The following NSG2 variants were observed in gnomAD, a reference collection of about 807,000 sequenced individuals.
The protein encoded by NSG2 is neuronal vesicle trafficking-associated protein 2.
Under a neutral mutation model 16.9 loss-of-function variants are expected in NSG2, and 4 were observed. That is an observed-to-expected ratio of 0.24 (90% CI 0.12 to 0.54). NSG2 has a LOEUF of 0.54. NSG2 is among the 20% of genes least tolerant of loss of function. The pLI is 0.95. For missense variants in NSG2, 179 were observed against 221.1 expected, an observed-to-expected ratio of 0.81 and a Z score of 1.21; for synonymous variants, 98 against 88.7, an observed-to-expected ratio of 1.11 and a Z score of -0.59.
chr5:174,109,115 G>A lies in NSG2; in HGVS notation c.*1610G>A, dbSNP rs1027524281. 1.3e-5 allele frequency: 2 copies of A among 152,808 alleles called. No individual in the cohort carries two copies. The highest frequency in any genetic ancestry group is 3.7e-4 in the East Asian group (2 of 5,342). 9.5% of individuals were successfully genotyped at this position (152,808 alleles called of 1,614,324 possible). A position where few individuals can be genotyped will look rare whatever the true frequency, so the allele number is the denominator to read the frequency against. On this transcript the variant is annotated 3_prime_UTR_variant, in exon 5 of 5. Coordinates refer to ENST00000303177, the MANE Select transcript of NSG2 (RefSeq NM_015980.5). ...TTGTCAGTAGGTAGCAGAGGCGGAA[G>A]TATTTTTTGGTGTAATTCTTGAAAT... is the stretch of plus-strand genomic sequence containing the variant.
chr5:174,061,261 T>C (rs1760046109), intron 2 of NSG2, among the ~76,000 whole-genome samples: 3 of 152,236 alleles, frequency 2.0e-5, no homozygotes, highest in South Asian at 4.1e-4. Context: ...AAATTTTCTG[T>C]ACCACTTCAT....
At chr5:174,082,963 A>G (rs1296471923) in intron 3 of NSG2, among the ~76,000 whole-genome samples, 1 of 152,206 alleles carries the variant, frequency 6.6e-6, no homozygotes, top group Non-Finnish European at 1.5e-5. Context: ...TAGTGCCCCC[A>G]GTAAACTCTT....
chr5:174,074,185 T>G (rs1473047877), intron 3 of NSG2, among the ~76,000 whole-genome samples: 1 of 152,216 alleles, frequency 6.6e-6, no homozygotes, highest in East Asian at 1.9e-4. Flanking sequence ...CTGGAACATG[T>G]CATTTCAGCT....
intron 3 of NSG2, among the ~76,000 whole-genome samples, chr5:174,066,887 G>A (rs1760148937): frequency 6.7e-6 from 1 of 149,954 alleles, no homozygotes; most frequent in Admixed American, 6.6e-5. Context: ...CTACTTGGGA[G>A]GCTGAGGCAG....
intron 2 of NSG2, among the ~76,000 whole-genome samples, chr5:174,053,967 A>G (rs2113422130): frequency 6.6e-6 from 1 of 152,348 alleles, no homozygotes; most frequent in South Asian, 2.1e-4. Flanking sequence ...CCCTATGGGT[A>G]TATATTTCAA....
chr5:174,076,870 G>T (rs887959377), intron 3 of NSG2, among the ~76,000 whole-genome samples: 5 of 152,138 alleles, frequency 3.3e-5, no homozygotes, highest in African/African-American at 9.7e-5. Context: ...GCATTTTCCA[G>T]CCCCAAATGC....
chr5:174,051,043 G>A (rs996304578), intron 2 of NSG2, among the ~76,000 whole-genome samples: 11 of 151,952 alleles, frequency 7.2e-5, no homozygotes, highest in African/African-American at 2.7e-4. Context: ...TCACTCCCAC[G>A]TTGCGCCTCG....
intron 4 of NSG2, among the ~76,000 whole-genome samples, chr5:174,105,334 C>T (rs1561677392): frequency 1.3e-5 from 2 of 152,224 alleles, no homozygotes; most frequent in African/African-American, 4.8e-5. Flanking sequence ...AGCTGGTTGA[C>T]TCACCTATCA....
At position 174,083,249 on chromosome 5, in the gene NSG2, C is replaced by A. The variant is rs147802216; in HGVS notation, c.213+18934C>A. On this transcript the variant is annotated intron_variant, in intron 3 of 4. Transcript: ENST00000303177. ...TGACTCCCATGTGCCTGGCCCAGGG[C>A]CAGCGAAGGGCTAGGCATTCAGCTT... Among the ~76,000 whole-genome samples, 545 of 152,340 alleles carry A rather than the reference C, an allele frequency of 3.6e-3. 1 individual carries two copies. The highest frequency in any genetic ancestry group is 0.017 in the Middle Eastern group (5 of 292).
chr5:174,095,893 G>T (rs1039886915), intron 3 of NSG2, among the ~76,000 whole-genome samples: 49 of 152,210 alleles, frequency 3.2e-4, no homozygotes, highest in African/African-American at 1.2e-3. Context: ...CACTGTAGGT[G>T]CTCAGTTAAT....
chr5:174,094,046 TACAAGCAA>T (rs1192814123), intron 3 of NSG2, among the ~76,000 whole-genome samples: 1 of 152,218 alleles, frequency 6.6e-6, no homozygotes, highest in Non-Finnish European at 1.5e-5. Flanking sequence ...GTTGCACTAT[TACAAGCAA>T]ATGTAGCTGC....
chr5:174,058,551 A>G (rs190710349), intron 2 of NSG2, among the ~76,000 whole-genome samples: 38 of 152,300 alleles, frequency 2.5e-4, no homozygotes, highest in Middle Eastern at 3.4e-3. Context: ...AGAAATCCCA[A>G]CACTGAGAGA....
At chr5:174,064,960 G>A (rs1206072024) in intron 3 of NSG2, among the ~76,000 whole-genome samples, 15 of 152,340 alleles carry the variant, frequency 9.8e-5, no homozygotes, top group Non-Finnish European at 1.8e-4. Flanking sequence ...TGCAGCTTGT[G>A]CAAAGGCCCT....
At chr5:174,047,138 T>G (rs889485581) in intron 2 of NSG2, among the ~76,000 whole-genome samples, 1 of 152,152 alleles carries the variant, frequency 6.6e-6, no homozygotes, top group East Asian at 1.9e-4. Flanking sequence ...CTTGTTAAAG[T>G]TTTCTTACAG....
intron 4 of NSG2, among the ~76,000 whole-genome samples, chr5:174,105,704 C>T (rs561361165): frequency 2.0e-5 from 3 of 152,222 alleles, no homozygotes; most frequent in South Asian, 4.1e-4. Context: ...GTTCTGAGAC[C>T]ATCCTGACCA....
intron 2 of NSG2, among the ~76,000 whole-genome samples, chr5:174,047,750 G>A (rs1248904906): frequency 6.6e-6 from 1 of 152,226 alleles, no homozygotes; most frequent in Non-Finnish European, 1.5e-5. Flanking sequence ...ACAAAGGTGG[G>A]ATGGGGGTTA....
chr5:174,083,363 T>TG (rs904541629), intron 3 of NSG2, among the ~76,000 whole-genome samples: 9 of 152,336 alleles, frequency 5.9e-5, no homozygotes, highest in African/African-American at 1.7e-4. Flanking sequence ...TGGGGATCCC[T>TG]GGGGGAAATT....
chr5:174,061,389 T>G lies in NSG2; in HGVS notation c.130-2843T>G, dbSNP rs1032510990. On this transcript the variant is annotated intron_variant, in intron 2 of 4. Transcript: ENST00000303177. Reference sequence around the variant, plus strand: ...TTCTTTCATTTGGTCCATCCCAGAATGCTGTGAACTAGCCTAGGAGCTTTA... The same window carrying G: ...TTCTTTCATTTGGTCCATCCCAGAAGGCTGTGAACTAGCCTAGGAGCTTTA... 3.4e-4 allele frequency among the ~76,000 whole-genome samples: 52 copies of G among 152,228 alleles called. 2 individuals are homozygous for G. Among genetic ancestry groups the G allele is most frequent in the Non-Finnish European group, 7.3e-5 (5 of 68,030 alleles).
intron 3 of NSG2, among the ~76,000 whole-genome samples, chr5:174,093,287 G>A (rs1760748219): frequency 6.6e-6 from 1 of 152,184 alleles, no homozygotes; most frequent in African/African-American, 2.4e-5. Context: ...CCCGGGAAAG[G>A]CTGAGCATCT....
Sources: gnomAD v4.1 joint callset for allele counts (sites outside exome capture counted in the v4.1 genomes callset) on GRCh38, gnomAD v4.1.1 for gene constraint, MANE v1.5 for transcripts, NCBI Gene and HGNC (gene_info 2026-07-23, HGNC 2026-07-21) for gene names.